TNNI3K: variants seen among roughly 807,000 people sequenced by gnomAD.
The protein encoded by TNNI3K is TNNI3 interacting kinase.
In TNNI3K, 140 loss-of-function variants were observed where a neutral mutation model predicts 114.5. The observed-to-expected ratio is 1.22, with a 90% CI of 1.07 to 1.41. The LOEUF is 1.41. Among genes scored for constraint, TNNI3K ranks in the 40% most tolerant of loss-of-function variants. TNNI3K has a pLI of 0.00. For synonymous variants in TNNI3K, 347 were observed against 347.5 expected, an observed-to-expected ratio of 1.00 and a Z score of 0.02; for missense variants, 1,125 against 1,007.6, an observed-to-expected ratio of 1.12 and a Z score of -1.58.
In TNNI3K at chr1:74,328,385, T is replaced by C. The variant is rs182868821; in HGVS notation, c.445-3065T>C. 7.9e-3 allele frequency among the ~76,000 whole-genome samples: 1,197 copies of C among 151,762 alleles called. 9 individuals are homozygous for C. Among genetic ancestry groups the C allele is most frequent in the Non-Finnish European group, 0.011 (779 of 67,918 alleles). ...GTATATATTGAAGCCTAAATGTTGG[T>C]ATGAGTGTACTTGTCTTAGTCCACG... On this transcript the variant is annotated intron_variant, in intron 5 of 24. Transcript: ENST00000326637.
intron 1 of TNNI3K, 118 bp from the exon 2 acceptor site, chr1:74,235,984 A>C (rs1307278927): frequency 5.2e-5 from 32 of 612,374 alleles, no homozygotes; most frequent in Non-Finnish European, 7.2e-5. Flanking sequence ...CAGTAATTTA[A>C]ATTAAGTATT....
intron 17 of TNNI3K, among the ~76,000 whole-genome samples, chr1:74,400,502 C>T (rs953182564): frequency 6.6e-6 from 1 of 152,168 alleles, no homozygotes; most frequent in Admixed American, 6.5e-5. Context: ...TTCCATTTCC[C>T]CTAGGATAGT....
intron 17 of TNNI3K, among the ~76,000 whole-genome samples, chr1:74,394,503 A>G (rs1663968515): frequency 6.6e-6 from 1 of 152,220 alleles, no homozygotes; most frequent in African/African-American, 2.4e-5. Context: ...AGGATATACT[A>G]GGCCCCTGCT....
intron 5 of TNNI3K, among the ~76,000 whole-genome samples, chr1:74,323,721 G>A (rs1011800783): frequency 4.6e-5 from 7 of 152,228 alleles, no homozygotes; most frequent in East Asian, 3.9e-4. Context: ...TCAAGGATAT[G>A]TAGAGCAAAA....
chr1:74,446,531 G>A (rs1392746567), intron 20 of TNNI3K, among the ~76,000 whole-genome samples: 1 of 147,316 alleles, frequency 6.8e-6, no homozygotes, highest in African/African-American at 2.6e-5. Context: ...CTGTGCAGAA[G>A]CTCTTTATTT....
At chr1:74,509,915 G>A (rs1670098515) in intron 23 of TNNI3K, among the ~76,000 whole-genome samples, 1 of 151,492 alleles carries the variant, frequency 6.6e-6, no homozygotes, top group African/African-American at 2.4e-5. Context: ...CACTGCACTT[G>A]GCTAATTTTT....
chr1:74,514,490 GAA>G (rs1337555929), intron 23 of TNNI3K, among the ~76,000 whole-genome samples: 1 of 152,154 alleles, frequency 6.6e-6, no homozygotes, highest in Non-Finnish European at 1.5e-5. Context: ...CACTTAAGAA[GAA>G]AAGTCTTGAT....
At chr1:74,370,492 G>C in intron 17 of TNNI3K, 100 bp downstream of exon 17, 2 of 993,892 alleles carry the variant, frequency 2.0e-6, no homozygotes, top group South Asian at 4.3e-5. Flanking sequence ...GCAGATCAGG[G>C]TACTCTGTGG....
chr1:74,534,374 C>A (rs141557380), intron 23 of TNNI3K, among the ~76,000 whole-genome samples: 4 of 152,266 alleles, frequency 2.6e-5, no homozygotes, highest in African/African-American at 7.2e-5. Flanking sequence ...CTTTGGAATG[C>A]AATTCAGTCA....
intron 4 of TNNI3K, among the ~76,000 whole-genome samples, chr1:74,262,630 G>A (rs1435510879): frequency 1.3e-5 from 2 of 151,540 alleles, no homozygotes; most frequent in Admixed American, 6.6e-5. Flanking sequence ...CACTTTAATA[G>A]TAGATTTTCA....
At chr1:74,429,978 C>T (rs1246641594) in intron 17 of TNNI3K, among the ~76,000 whole-genome samples, 3 of 152,130 alleles carry the variant, frequency 2.0e-5, no homozygotes, top group Non-Finnish European at 2.9e-5. Flanking sequence ...AGAGGTTGGC[C>T]GTGGTGCCCT....
intron 4 of TNNI3K, among the ~76,000 whole-genome samples, chr1:74,256,058 C>A (rs1297572266): frequency 6.6e-6 from 1 of 152,132 alleles, no homozygotes; most frequent in Non-Finnish European, 1.5e-5. Flanking sequence ...ATAAACAAAG[C>A]TGTTCTGAAC....
chr1:74,503,453 G>A (rs181393050), intron 23 of TNNI3K, among the ~76,000 whole-genome samples: 149 of 152,290 alleles, frequency 9.8e-4, no homozygotes, highest in African/African-American at 3.3e-3. Flanking sequence ...CCTCACTTCA[G>A]CAGTGTCTTC....
chr1:74,514,051 G>T (rs985136434), intron 23 of TNNI3K, among the ~76,000 whole-genome samples: 1 of 152,114 alleles, frequency 6.6e-6, no homozygotes, highest in Non-Finnish European at 1.5e-5. Flanking sequence ...CGATAACTGC[G>T]TTTTTCAATT....
rs201778215 is a variant in TNNI3K, at chr1:74,236,241, A to G, written c.149+31A>G. On this transcript the variant is annotated intron_variant, in intron 2 of 24. Transcript: ENST00000326637. ...GTTGTAAGAGTCATTATTTCTTTGTATAAGTGTCTTCAGTATTCACCTTAT... is the reference window on the plus strand; with the variant it reads ...GTTGTAAGAGTCATTATTTCTTTGTGTAAGTGTCTTCAGTATTCACCTTAT... 3.8e-6 allele frequency: 6 copies of G among 1,569,516 alleles called. No individual in the cohort carries two copies. The South Asian group carries it at 4.6e-5, about 12-fold the overall frequency.
chr1:74,394,382 T>C (rs1409835731), intron 17 of TNNI3K, among the ~76,000 whole-genome samples: 3 of 152,328 alleles, frequency 2.0e-5, no homozygotes, highest in Admixed American at 6.5e-5. Context: ...ATAACTCTTA[T>C]AAATAATTTT....
At chr1:74,418,620 C>T (rs1034335809) in intron 17 of TNNI3K, among the ~76,000 whole-genome samples, 5 of 152,026 alleles carry the variant, frequency 3.3e-5, no homozygotes, top group South Asian at 2.1e-4. Context: ...TAAAAATTTA[C>T]GGAAAATGGT....
At chr1:74,303,185 AATT>A (rs1251372546) in intron 5 of TNNI3K, among the ~76,000 whole-genome samples, 6 of 151,958 alleles carry the variant, frequency 3.9e-5, no homozygotes, top group South Asian at 2.1e-4. Flanking sequence ...TGGTATACTG[AATT>A]ATTATTATTA....
At chr1:74,450,745 C>G (rs1480806979) in intron 20 of TNNI3K, among the ~76,000 whole-genome samples, 2 of 152,114 alleles carry the variant, frequency 1.3e-5, no homozygotes, top group Non-Finnish European at 2.9e-5. Context: ...AGTCAACAAA[C>G]AACAGATACT....
Sources: allele counts gnomAD v4.1 joint callset (sites outside exome capture counted in the v4.1 genomes callset), GRCh38; gene constraint gnomAD v4.1.1; transcripts MANE v1.5; gene names NCBI Gene and HGNC (gene_info 2026-07-23, HGNC 2026-07-21).